The following FHIT variants were observed in gnomAD, a reference collection of about 807,000 sequenced individuals.
FHIT encodes the protein bis(5'-adenosyl)-triphosphatase.
Under a neutral mutation model 17.9 loss-of-function variants are expected in FHIT, and 19 were observed. The observed-to-expected ratio is 1.06, with a 90% CI of 0.74 to 1.56. The LOEUF (loss-of-function observed/expected upper bound fraction) is 1.56. Ranked by LOEUF, FHIT falls within the 40% of genes most tolerant of loss-of-function variation. FHIT has a pLI of 0.00. For synonymous variants in FHIT, 81 were observed against 69.7 expected (o/e 1.16, Z -0.81); for missense variants, 248 against 189.2 (o/e 1.31, Z -1.82).
intron 3 of FHIT, among the ~76,000 whole-genome samples, chr3:60,896,874 G>C (rs945860674): frequency 4.6e-5 from 7 of 152,240 alleles, no homozygotes; most frequent in Non-Finnish European, 7.3e-5. Context: ...AAGGTATTCA[G>C]AGAAGTACTA....
chr3:60,370,078 G>A (rs1337848323), intron 5 of FHIT, among the ~76,000 whole-genome samples: 1 of 152,194 alleles, frequency 6.6e-6, no homozygotes, highest in Non-Finnish European at 1.5e-5. Flanking sequence ...ATGTCCGAGA[G>A]CTTTGAATCT....
intron 3 of FHIT, among the ~76,000 whole-genome samples, chr3:60,878,358 C>A (rs1424534317): frequency 6.6e-6 from 1 of 152,104 alleles, no homozygotes; most frequent in African/African-American, 2.4e-5. Flanking sequence ...AGCAATGGAA[C>A]TGCTTGTAGG....
At chr3:60,624,184 G>A (rs782790528) in intron 4 of FHIT, among the ~76,000 whole-genome samples, 2 of 152,162 alleles carry the variant, frequency 1.3e-5, no homozygotes, top group Non-Finnish European at 2.9e-5. Flanking sequence ...CCAGTAGGAC[G>A]TATGCAGAGA....
intron 5 of FHIT, among the ~76,000 whole-genome samples, chr3:60,177,020 A>G (rs184302109): frequency 3.9e-5 from 6 of 152,058 alleles, no homozygotes; most frequent in Admixed American, 3.3e-4. Context: ...AAATTGTGGG[A>G]GAAAAAAAAA....
At chr3:59,955,439 C>T (rs73839795) in intron 7 of FHIT, among the ~76,000 whole-genome samples, 2,384 of 152,280 alleles carry the variant, frequency 0.016, 73 homozygotes, top group African/African-American at 0.054. Flanking sequence ...TCTTCCCCAG[C>T]GACACACTTT....
At chr3:61,186,182 ACTGGGACT>A (rs1252620387) in intron 2 of FHIT, among the ~76,000 whole-genome samples, 2 of 152,194 alleles carry the variant, frequency 1.3e-5, no homozygotes, top group Non-Finnish European at 2.9e-5. Flanking sequence ...TATTTACATC[ACTGGGACT>A]CTTCCAGTGT....
chr3:60,169,765 C>T (rs963448492), intron 5 of FHIT, among the ~76,000 whole-genome samples: 14 of 152,170 alleles, frequency 9.2e-5, no homozygotes, highest in Non-Finnish European at 1.6e-4. Context: ...AAATCTCCAG[C>T]TGTTAGAAGA....
At chr3:59,920,379 C>T (rs901777908) in intron 8 of FHIT, among the ~76,000 whole-genome samples, 4 of 152,208 alleles carry the variant, frequency 2.6e-5, no homozygotes, top group African/African-American at 9.7e-5. Context: ...ACAGTAATTA[C>T]TTCTCCTGAG....
intron 4 of FHIT, among the ~76,000 whole-genome samples, chr3:60,539,102 A>G (rs2036090733): frequency 6.6e-6 from 1 of 152,182 alleles, no homozygotes; most frequent in Non-Finnish European, 1.5e-5. Context: ...CAAGAAAAAA[A>G]CAAACAACCC....
At chr3:60,078,743 T>C (rs982201110) in intron 5 of FHIT, among the ~76,000 whole-genome samples, 1 of 152,082 alleles carries the variant, frequency 6.6e-6, no homozygotes, top group Non-Finnish European at 1.5e-5. Flanking sequence ...TTCAAATATT[T>C]CACTAAAAAT....
intron 5 of FHIT, among the ~76,000 whole-genome samples, chr3:60,266,977 T>A (rs772364637): frequency 2.0e-5 from 3 of 152,100 alleles, no homozygotes; most frequent in Admixed American, 6.6e-5. Context: ...ACTCCACACT[T>A]CAGCTTTAGA....
intron 4 of FHIT, among the ~76,000 whole-genome samples, chr3:60,541,676 G>T (rs1169842894): frequency 6.6e-6 from 1 of 152,192 alleles, no homozygotes; most frequent in African/African-American, 2.4e-5. Context: ...TGCCAAACTG[G>T]TAGACTATGA....
chr3:60,442,789 A>G (rs2031004962), intron 5 of FHIT, among the ~76,000 whole-genome samples: 1 of 151,978 alleles, frequency 6.6e-6, no homozygotes, highest in South Asian at 2.1e-4. Context: ...CTTTAAAGTA[A>G]TTTTTTCCAA....
chr3:60,875,923 A>ATGTGTG (rs60177380), intron 3 of FHIT, among the ~76,000 whole-genome samples: 35,928 of 136,502 alleles, frequency 0.26, 5,302 homozygotes, highest in East Asian at 0.48. Context: ...AAACTTATTC[A>ATGTGTG]TGTGTGTGTG....
chr3:60,356,487 G>A (rs1453652575), intron 5 of FHIT, among the ~76,000 whole-genome samples: 1 of 152,070 alleles, frequency 6.6e-6, no homozygotes, highest in Non-Finnish European at 1.5e-5. Context: ...GATAACCACA[G>A]TAAAATGTAA....
At chr3:60,699,057 T>C (rs1385705973) in intron 4 of FHIT, among the ~76,000 whole-genome samples, 4 of 152,314 alleles carry the variant, frequency 2.6e-5, no homozygotes, top group African/African-American at 4.8e-5. Context: ...TGTATCATTA[T>C]ACAAAAATTT....
At chr3:59,751,409 T>A (rs1700890907) in intron 9 of FHIT, 1 of 192,350 alleles carries the variant, frequency 5.2e-6, no homozygotes, top group South Asian at 1.9e-4. Flanking sequence ...CCTGGCCTTC[T>A]TTAACACTTT....
chr3:60,540,834 C>T (rs2036162710), intron 4 of FHIT, among the ~76,000 whole-genome samples: 1 of 152,076 alleles, frequency 6.6e-6, no homozygotes, highest in Non-Finnish European at 1.5e-5. Context: ...GAAGGTTTGC[C>T]CCAGTGGTAC....
At chr3:59,992,937 T>G (rs958100280) in intron 7 of FHIT, among the ~76,000 whole-genome samples, 3 of 152,058 alleles carry the variant, frequency 2.0e-5, no homozygotes, top group African/African-American at 7.2e-5. Flanking sequence ...CTGATGATAT[T>G]TTTCTTTAAA....
Sources: gnomAD v4.1 joint callset for allele counts (sites outside exome capture counted in the v4.1 genomes callset) on GRCh38, gnomAD v4.1.1 for gene constraint, MANE v1.5 for transcripts, NCBI Gene and HGNC (gene_info 2026-07-23, HGNC 2026-07-21) for gene names.